The following RAD54B variants were observed in gnomAD, a reference collection of about 807,000 sequenced individuals.
The protein encoded by RAD54B is DNA repair and recombination protein RAD54B.
Under a neutral mutation model 95.8 loss-of-function variants are expected in RAD54B, and 78 were observed. The observed-to-expected ratio is 0.81, with a 90% CI of 0.68 to 0.98. The LOEUF is 0.98. Ranked by LOEUF, RAD54B falls within the 50% of genes least tolerant of loss-of-function variation. RAD54B has a pLI of 0.00. For synonymous variants in RAD54B, 328 were observed against 354.9 expected (o/e 0.92, Z 0.85); for missense variants, 957 against 1,056.6 (o/e 0.91, Z 1.31).
intron 3 of RAD54B, among the ~76,000 whole-genome samples, chr8:94,411,952 T>A (rs955300061): frequency 2.6e-5 from 4 of 152,126 alleles, no homozygotes; most frequent in African/African-American, 9.7e-5. Flanking sequence ...ATAGTCACCA[T>A]GTTATACAAT....
Position 94,391,607 on chromosome 8 carries a change from A to G in RAD54B, c.1809+2T>C, listed in dbSNP as rs1268572217. ...ACACAGTTTCAGATACTATGCACTT[A>G]CCTTTATAGAGTTGAACAAAAGGCA... On this transcript the variant is annotated splice_donor_variant, in intron 10 of 14. Transcript: ENST00000336148. LOFTEE classifies it high-confidence loss of function. 1 of 1,612,120 alleles carries G rather than the reference A, an allele frequency of 6.2e-7. No homozygotes were observed. The highest frequency in any genetic ancestry group is 2.2e-5 in the East Asian group (1 of 44,852).
At position 94,407,686 on chromosome 8, in the gene RAD54B, A is replaced by T. The variant is rs1298244745; in HGVS notation, c.534T>A (p.Ile178=). ...AAATCATCAGTGTTTGGCCCTCTTC[A>T]ATCTTTTCAAGCTCTTTGAATTTAT... ...IGYKFKELEK[I]EEGQTLMICG... is the part of the protein sequence containing the mutation. Residue 178 remains isoleucine, a synonymous_variant, in exon 5 of 15, where the codon ATT becomes ATA. Coordinates refer to ENST00000336148, the MANE Select transcript of RAD54B (RefSeq NM_012415.3). 1 of 1,613,532 alleles carries T rather than the reference A, an allele frequency of 6.2e-7. No homozygotes were observed. Among genetic ancestry groups the T allele is most frequent in the Admixed American group, 1.7e-5 (1 of 59,924 alleles).
chr8:94,373,594 T>G (rs1810492829), intron 14 of RAD54B, among the ~76,000 whole-genome samples: 1 of 152,220 alleles, frequency 6.6e-6, no homozygotes, highest in South Asian at 2.1e-4. Flanking sequence ...GAAATTACCT[T>G]ATGAAAGGCT....
Position 94,400,231 on chromosome 8 carries a change from T to C in RAD54B, c.1170+7A>G. ...AATGACTAAGGCTAAACTTTTAAGT[T>C]TCTTACCTGATCAACAGTAAATATC... On this transcript the variant is annotated splice_region_variant and intron_variant, in intron 7 of 14. Coordinates refer to ENST00000336148, the MANE Select transcript of RAD54B (RefSeq NM_012415.3). The C allele has an allele frequency of 6.2e-7, 1 of 1,608,670 alleles. No homozygotes were observed. The highest frequency in any genetic ancestry group is 8.5e-7 in the Non-Finnish European group (1 of 1,175,582).
intron 11 of RAD54B, among the ~76,000 whole-genome samples, chr8:94,380,854 G>A (rs1810722131): frequency 6.6e-6 from 1 of 152,192 alleles, no homozygotes; most frequent in Non-Finnish European, 1.5e-5. Context: ...TGAGAAGGAA[G>A]GAATTTAGAC....
intron 2 of RAD54B, among the ~76,000 whole-genome samples, chr8:94,466,467 G>A (rs1251269347): frequency 6.6e-6 from 1 of 151,776 alleles, no homozygotes; most frequent in Non-Finnish European, 1.5e-5. Context: ...GAGTGCAGTG[G>A]CATGATCTCA....
chr8:94,400,154 G>A, intron 7 of RAD54B, 84 bp downstream of exon 7: 1 of 1,181,054 alleles, frequency 8.5e-7, no homozygotes, highest in African/African-American at 1.5e-5. Flanking sequence ...AAGGGTTAGG[G>A]AGTTAACAAG....
intron 3 of RAD54B, chr8:94,432,455 C>T: frequency 6.4e-7 from 1 of 1,550,430 alleles, no homozygotes; most frequent in Non-Finnish European, 8.7e-7. Flanking sequence ...GTGAAGGCGA[C>T]AAGGATCTTT....
rs561914113 is a variant in RAD54B, at chr8:94,376,835, AAGAG to A, written c.2515+1341_2515+1344del. Among the ~76,000 whole-genome samples, 121 of 150,892 alleles carry A rather than the reference AAGAG, an allele frequency of 8.0e-4. 1 individual carries two copies. Among genetic ancestry groups the A allele is most frequent in the African/African-American group, 2.9e-3 (120 of 41,348 alleles). On this transcript the variant is annotated intron_variant, in intron 14 of 14. Transcript: ENST00000336148. ...AACTAATAAGCTTCTATTGTACCTAAAGAGAAACATTTATATAAAGAAACATTTC... is the reference window on the plus strand; with the variant it reads ...AACTAATAAGCTTCTATTGTACCTAAAAACATTTATATAAAGAAACATTTC...
At chr8:94,435,709 T>TA (rs140001107) in intron 3 of RAD54B, among the ~76,000 whole-genome samples, 2,372 of 152,172 alleles carry the variant, frequency 0.016, 26 homozygotes, top group Non-Finnish European at 0.025. Context: ...CTTCTAACTC[T>TA]AAAAAAACCC....
intron 5 of RAD54B, among the ~76,000 whole-genome samples, chr8:94,406,003 T>TACAC (rs10640285): frequency 0.018 from 2,714 of 148,020 alleles, 68 homozygotes; most frequent in African/African-American, 0.049. Flanking sequence ...GAAGTGCTTT[T>TACAC]ACACACACAC....
intron 1 of RAD54B, among the ~76,000 whole-genome samples, chr8:94,474,036 A>G (rs1227512722): frequency 6.6e-6 from 1 of 152,250 alleles, no homozygotes; most frequent in East Asian, 1.9e-4. Context: ...GCGCAGCCAT[A>G]AAAAGGAATG....
Position 94,386,596 on chromosome 8 carries a change from A to G in RAD54B, c.1985+388T>C, listed in dbSNP as rs76289011. Among the ~76,000 whole-genome samples the G allele has an allele frequency of 3.3e-4, 19 of 58,062 alleles. No homozygotes were observed. In the Admixed American group the frequency reaches 4.9e-3, roughly 15 times the overall value. 38.1% of individuals were successfully genotyped at this position (58,062 alleles called of 152,430 possible). On this transcript the variant is annotated intron_variant, in intron 11 of 14. Transcript: ENST00000336148. ...TATGGTTGTGTGTGTGTGTGTGTGCATGTGTGTGTGCAATAGTTGAAAGTA... is the reference window on the plus strand; with the variant it reads ...TATGGTTGTGTGTGTGTGTGTGTGCGTGTGTGTGTGCAATAGTTGAAAGTA...
Position 94,399,579 on chromosome 8 carries a change from C to T in RAD54B, c.1213G>A (p.Val405Ile), listed in dbSNP as rs750992987. 1.2e-6 allele frequency: 2 copies of T among 1,612,092 alleles called. No individual in the cohort carries two copies. The highest frequency in any genetic ancestry group is 1.7e-6 in the Non-Finnish European group (2 of 1,179,252). The change falls in exon 8 of 15, where the codon GTT becomes ATT. Residue 405 changes from valine (V) to isoleucine (I), a missense_variant. Physicochemically the swap from Val to Ile is conservative, Grantham distance 29. Coordinates refer to ENST00000336148, the MANE Select transcript of RAD54B (RefSeq NM_012415.3). ...AACATTTCATAACTGATAATAAGAA[C>T]AGAATAAAATATAGACTTGATGAAT... is the stretch of plus-strand genomic sequence containing the variant. Reference protein sequence around the residue: ...EEFIKSIFYSVLIISYEMLLR... With the variant: ...EEFIKSIFYSILIISYEMLLR...
chr8:94,380,173 A>G lies in RAD54B; in HGVS notation c.2219T>C (p.Ile740Thr). 6.2e-7 allele frequency: 1 copy of G among 1,612,030 alleles called. No individual in the cohort carries two copies. The highest frequency in any genetic ancestry group is 2.2e-5 in the East Asian group (1 of 44,832). ...IGGSHLILYD[I>T]DWNPATDIQA... ...AATGTCAGTGGCTGGATTCCAATCAATGTCATAGAGAATTAAGTGAGATCC... is the reference window on the plus strand; with the variant it reads ...AATGTCAGTGGCTGGATTCCAATCAGTGTCATAGAGAATTAAGTGAGATCC... Residue 740 changes from isoleucine (I) to threonine (T), a missense_variant, in exon 12 of 15, where the codon ATT becomes ACT. Coordinates refer to ENST00000336148, the MANE Select transcript of RAD54B (RefSeq NM_012415.3).
At chr8:94,423,188 C>T (rs1791845574) in intron 3 of RAD54B, among the ~76,000 whole-genome samples, 2 of 152,046 alleles carry the variant, frequency 1.3e-5, no homozygotes, top group South Asian at 4.2e-4. Context: ...TCAAGACCAT[C>T]CTGGCTAACA....
chr8:94,372,516 C>G, intron 14 of RAD54B, 129 bp from the exon 15 acceptor site: 1 of 1,429,624 alleles, frequency 7.0e-7, no homozygotes, highest in Non-Finnish European at 9.2e-7. Context: ...CAAGTTAAAA[C>G]AAATTCATTC....
chr8:94,372,821 T>C (rs1201136987), intron 14 of RAD54B, among the ~76,000 whole-genome samples: 2 of 152,136 alleles, frequency 1.3e-5, no homozygotes, highest in Admixed American at 6.5e-5. Context: ...ACAAAATGGG[T>C]TAAATAAAGA....
Position 94,467,544 on chromosome 8 carries a change from A to T in RAD54B, c.-5T>A. 6.2e-7 allele frequency: 1 copy of T among 1,610,510 alleles called. No individual in the cohort carries two copies. The highest frequency in any genetic ancestry group is 8.5e-7 in the Non-Finnish European group (1 of 1,179,386). ...TGGTGCTGCAGATCGTCTCATATTC[A>T]GCAGTCGTGACCTGAAAAATACCCA... is the stretch of plus-strand genomic sequence containing the variant. On this transcript the variant is annotated 5_prime_UTR_variant, in exon 2 of 15. Transcript: ENST00000336148.
Sources: allele counts gnomAD v4.1 joint callset (sites outside exome capture counted in the v4.1 genomes callset), GRCh38; gene constraint gnomAD v4.1.1; transcripts MANE v1.5; gene names NCBI Gene and HGNC (gene_info 2026-07-23, HGNC 2026-07-21).